The following KDM4C variants were observed in gnomAD, a reference collection of about 807,000 sequenced individuals.
The protein encoded by KDM4C is lysine demethylase 4C.
A neutral mutation model predicts 129.3 loss-of-function variants in KDM4C; 81 were observed. That is an observed-to-expected ratio of 0.63 (90% CI 0.52 to 0.75). The LOEUF is 0.75. Ranked by LOEUF, KDM4C falls within the 30% of genes least tolerant of loss-of-function variation. The pLI, the probability that KDM4C is intolerant of heterozygous loss-of-function variation, is 0.00. For missense variants in KDM4C, 1,457 were observed against 1,304.0 expected (o/e 1.12, Z -1.81); for synonymous variants, 573 against 456.1 (o/e 1.26, Z -3.26).
intron 18 of KDM4C, among the ~76,000 whole-genome samples, chr9:7,114,992 T>C (rs1271389974): frequency 6.6e-6 from 1 of 152,068 alleles, no homozygotes; most frequent in African/African-American, 2.4e-5. Flanking sequence ...GGCTATAGGA[T>C]CACTTGAGCC....
chr9:7,099,909 T>C (rs1836880158), intron 17 of KDM4C, among the ~76,000 whole-genome samples: 1 of 151,808 alleles, frequency 6.6e-6, no homozygotes, highest in Admixed American at 6.5e-5. Flanking sequence ...TATTTTTTAA[T>C]TTAATTTAAT....
At chr9:7,068,336 C>T (rs1028765652) in intron 17 of KDM4C, among the ~76,000 whole-genome samples, 9 of 152,136 alleles carry the variant, frequency 5.9e-5, no homozygotes, top group African/African-American at 2.2e-4. Context: ...GCTTATTTTC[C>T]GCACTTAGAA....
At position 6,758,651 on chromosome 9, in the gene KDM4C, C is replaced by T. The variant is rs1481264090; in HGVS notation, c.-18+448C>T. Among the ~76,000 whole-genome samples the T allele has an allele frequency of 2.0e-5, 3 of 152,244 alleles. No individual in the cohort carries two copies. The East Asian group carries it at 5.8e-4, about 29-fold the overall frequency. ...ACCCGCGGGGTGAGGGTGGGAGCTC[C>T]TCTCCTGACCACCCGTTGCAGGCAG... On this transcript the variant is annotated intron_variant, in intron 1 of 21. Transcript: ENST00000381309. The surrounding 1 kb of genome is among the most constrained non-coding windows in gnomAD (Gnocchi z 4.6).
chr9:6,966,031 A>G (rs1490729860), intron 8 of KDM4C, among the ~76,000 whole-genome samples: 1 of 152,234 alleles, frequency 6.6e-6, no homozygotes, highest in African/African-American at 2.4e-5. Context: ...AAATGCAGAG[A>G]AAGCAGCATG....
At chr9:7,170,122 C>A (rs1440206839) in intron 21 of KDM4C, 3 of 1,404,060 alleles carry the variant, frequency 2.1e-6, no homozygotes, top group Non-Finnish European at 2.8e-6. Flanking sequence ...CATGATGCTT[C>A]TTTGTGTTGA....
intron 19 of KDM4C, among the ~76,000 whole-genome samples, chr9:7,144,365 T>TAA (rs1417954358): frequency 6.6e-6 from 1 of 152,242 alleles, no homozygotes; most frequent in Non-Finnish European, 1.5e-5. Flanking sequence ...CTCTGCTTTT[T>TAA]AATCCCCTAG....
chr9:6,894,810 T>G (rs972430770), intron 8 of KDM4C, among the ~76,000 whole-genome samples: 5 of 152,208 alleles, frequency 3.3e-5, no homozygotes, highest in Non-Finnish European at 4.4e-5. Flanking sequence ...AGTGTTGCAC[T>G]GTGGTGGAGG....
intron 15 of KDM4C, among the ~76,000 whole-genome samples, chr9:7,037,598 A>C (rs1280864643): frequency 6.6e-6 from 1 of 152,198 alleles, no homozygotes; most frequent in Non-Finnish European, 1.5e-5. Context: ...CCAAATTTTA[A>C]AAATAGCTGG....
intron 8 of KDM4C, among the ~76,000 whole-genome samples, chr9:6,909,781 C>T (rs778085983): frequency 6.6e-5 from 10 of 151,806 alleles, no homozygotes; most frequent in South Asian, 2.1e-4. Flanking sequence ...ATTTCTGTCC[C>T]GCTAAAAAAT....
At chr9:7,020,166 T>C (rs1194511557) in intron 15 of KDM4C, among the ~76,000 whole-genome samples, 1 of 152,196 alleles carries the variant, frequency 6.6e-6, no homozygotes, top group Non-Finnish European at 1.5e-5. Context: ...GCAGCTTCAA[T>C]TGCATATGCT....
chr9:6,838,680 G>A (rs923610770), intron 4 of KDM4C, among the ~76,000 whole-genome samples: 1 of 152,116 alleles, frequency 6.6e-6, no homozygotes, highest in Non-Finnish European at 1.5e-5. Context: ...AAGCAGTGCT[G>A]TAAAATCGTA....
chr9:6,767,635 G>A (rs116193222), intron 1 of KDM4C, among the ~76,000 whole-genome samples: 1,983 of 152,076 alleles, frequency 0.013, 54 homozygotes, highest in African/African-American at 0.045. Context: ...GGGTTTTGCC[G>A]TTTTTAGTAG....
chr9:6,950,306 G>T (rs1827903203), intron 8 of KDM4C, among the ~76,000 whole-genome samples: 2 of 152,006 alleles, frequency 1.3e-5, no homozygotes, highest in Non-Finnish European at 1.5e-5. Context: ...TGTTAATGTT[G>T]GCATTTTAAA....
intron 19 of KDM4C, among the ~76,000 whole-genome samples, chr9:7,164,557 G>A (rs1844165968): frequency 6.6e-6 from 1 of 152,156 alleles, no homozygotes; most frequent in African/African-American, 2.4e-5. Flanking sequence ...GGTCCAGGGT[G>A]TCTTTAGAAG....
chr9:6,870,649 A>G (rs1399210666), intron 5 of KDM4C, among the ~76,000 whole-genome samples: 1 of 152,070 alleles, frequency 6.6e-6, no homozygotes, highest in African/African-American at 2.4e-5. Flanking sequence ...AGGGCAAGTC[A>G]GGCATACAAG....
chr9:6,781,004 T>C (rs1019912336), intron 1 of KDM4C, among the ~76,000 whole-genome samples: 4 of 152,048 alleles, frequency 2.6e-5, no homozygotes, highest in African/African-American at 9.7e-5. Flanking sequence ...TTTCCTTCTC[T>C]CATTTTCTGT....
chr9:6,737,319 A>G (rs572313559), intron 1 of KDM4C, among the ~76,000 whole-genome samples: 1 of 152,164 alleles, frequency 6.6e-6, no homozygotes, highest in South Asian at 2.1e-4. Context: ...TCCATAAGGA[A>G]CTTAAACAAA....
At chr9:7,035,906 A>T (rs1380070025) in intron 15 of KDM4C, among the ~76,000 whole-genome samples, 1 of 152,024 alleles carries the variant, frequency 6.6e-6, no homozygotes, top group East Asian at 1.9e-4. Flanking sequence ...GTATATTTTG[A>T]TGTCTAGTAG....
intron 17 of KDM4C, among the ~76,000 whole-genome samples, chr9:7,061,167 C>T (rs62536962): frequency 0.19 from 28,390 of 152,100 alleles, 3,182 homozygotes; most frequent in South Asian, 0.41. Flanking sequence ...CCTTCTTCTC[C>T]CTCCAGTAGT....
Sources: allele counts gnomAD v4.1 joint callset (sites outside exome capture counted in the v4.1 genomes callset), GRCh38; gene constraint gnomAD v4.1.1; non-coding constraint Gnocchi (gnomAD v3.1); transcripts MANE v1.5; gene names NCBI Gene and HGNC (gene_info 2026-07-23, HGNC 2026-07-21).